FAM20A: variants seen among roughly 807,000 people sequenced by gnomAD.
FAM20A encodes the protein pseudokinase FAM20A.
In FAM20A, 42 loss-of-function variants were observed where a neutral mutation model predicts 52.0. The observed-to-expected ratio is 0.81, with a 90% CI of 0.63 to 1.04. The LOEUF (loss-of-function observed/expected upper bound fraction) is 1.04. FAM20A is among the 50% of genes least tolerant of loss of function. The pLI is 0.00. For missense variants in FAM20A, 742 were observed against 712.7 expected (o/e 1.04, Z -0.47); for synonymous variants, 304 against 298.9 (o/e 1.02, Z -0.18).
Position 68,537,608 on chromosome 17 carries a change from C to A in FAM20A, c.1495G>T (p.Asp499Tyr). 2 of 1,613,730 alleles carry A rather than the reference C, an allele frequency of 1.2e-6. No individual in the cohort carries two copies. Among genetic ancestry groups the A allele is most frequent in the Non-Finnish European group, 1.7e-6 (2 of 1,179,794 alleles). The change falls in exon 11 of 11, where the codon GAT (aspartate) becomes TAT (tyrosine). Residue 499 changes from aspartate (D) to tyrosine (Y), a missense_variant. Asp to Tyr is a radical substitution (Grantham distance 160). Transcript: ENST00000592554. The surrounding 1 kb of genome is among the most constrained non-coding windows in gnomAD (Gnocchi z 4.2). ...VLTEPHLLAL[D>Y]RRLQTILRTV... ...CTTAGGATGGTTTGGAGCCTTCGATCCAGGGCAAGGAGGTGGGGTTCAGTG... is the reference window on the plus strand; with the variant it reads ...CTTAGGATGGTTTGGAGCCTTCGATACAGGGCAAGGAGGTGGGGTTCAGTG...
rs1385798508 is a variant in FAM20A at position 68,537,081 on chromosome 17, C to G, written c.*396G>C. ...GTGTTTTGTCTGGACCAGGAGTTAT[C>G]TTTGACTTGTAGCTAGAATAAGGAT... On this transcript the variant is annotated 3_prime_UTR_variant, in exon 11 of 11. Transcript: ENST00000592554. This position sits in a 1 kb window ranked among gnomAD's most constrained non-coding sequence, Gnocchi z 4.2. 4.3e-6 allele frequency: 2 copies of G among 461,294 alleles called. No individual in the cohort carries two copies. The highest frequency in any genetic ancestry group is 4.7e-5 in the Admixed American group (2 of 42,790). 28.6% of individuals were successfully genotyped at this position (461,294 alleles called of 1,614,324 possible).
At chr17:68,597,521 A>C (rs2088487095) in intron 1 of FAM20A, among the ~76,000 whole-genome samples, 1 of 151,994 alleles carries the variant, frequency 6.6e-6, no homozygotes, top group African/African-American at 2.4e-5. Context: ...AGTAGCTGGG[A>C]TTACAGGTGC....
chr17:68,539,804 GTC>G (rs2086209237), intron 9 of FAM20A, 79 bp downstream of exon 9: 2 of 1,364,638 alleles, frequency 1.5e-6, no homozygotes, highest in East Asian at 2.3e-5. Flanking sequence ...TTTGCAGGGC[GTC>G]TGTTTCCCCC....
intron 1 of FAM20A, among the ~76,000 whole-genome samples, chr17:68,569,864 T>C (rs900342902): frequency 5.3e-5 from 8 of 152,162 alleles, no homozygotes; most frequent in African/African-American, 1.9e-4. Context: ...CAGGCCTTCA[T>C]TCCTTGGAAG....
At chr17:68,558,613 C>T (rs1407794792) in intron 1 of FAM20A, among the ~76,000 whole-genome samples, 2 of 152,216 alleles carry the variant, frequency 1.3e-5, no homozygotes, top group Non-Finnish European at 2.9e-5. Context: ...AGTAAGTTTT[C>T]TGAGGCCCTC....
Position 68,581,350 on chromosome 17 carries a change from T to TTTCTTTCTTTCTTTCTTTC in FAM20A, c.404+18912_404+18913insGAAAGAAAGAAAGAAAGAA, listed in dbSNP as rs2087941952. On this transcript the variant is annotated intron_variant, in intron 1 of 10. Transcript: ENST00000592554. ...TGAAAAGGTATCTCCGAAATGCAGT[T>TTTCTTTCTTTCTTTCTTTC]TTTCTTTCTTTCTTTCTTTCTTTCT... 8.7e-5 allele frequency among the ~76,000 whole-genome samples: 8 copies of TTTCTTTCTTTCTTTCTTTC among 92,278 alleles called. No homozygotes were observed. The East Asian group carries it at 1.6e-3, about 18-fold the overall frequency. 60.5% of individuals were successfully genotyped at this position (92,278 alleles called of 152,430 possible).
At chr17:68,547,920 T>A (rs1222754578) in intron 4 of FAM20A, among the ~76,000 whole-genome samples, 3 of 152,234 alleles carry the variant, frequency 2.0e-5, no homozygotes, top group Admixed American at 2.0e-4. Context: ...ACTAGCCTCC[T>A]GAATAATTTC....
chr17:68,596,851 C>T (rs1057506898), intron 1 of FAM20A, among the ~76,000 whole-genome samples: 2 of 152,004 alleles, frequency 1.3e-5, no homozygotes, highest in African/African-American at 4.8e-5. Flanking sequence ...TTGTGCCACA[C>T]TTAGTTACAT....
At chr17:68,572,244 C>T (rs2087584965) in intron 1 of FAM20A, among the ~76,000 whole-genome samples, 2 of 151,648 alleles carry the variant, frequency 1.3e-5, no homozygotes, top group Admixed American at 6.6e-5. Flanking sequence ...ATTTCTTGAT[C>T]ATAACCTGGC....
At position 68,536,017 on chromosome 17, in the gene FAM20A, C is replaced by G. The variant is rs923948948; in HGVS notation, c.*1460G>C. Reference sequence around the variant, plus strand: ...GAGAGGATTGGAAACCTGTGTGTTGCTTCTGTAGCGTTGGTGAGTGCCTCA... The same window carrying G: ...GAGAGGATTGGAAACCTGTGTGTTGGTTCTGTAGCGTTGGTGAGTGCCTCA... On this transcript the variant is annotated 3_prime_UTR_variant, in exon 11 of 11. Transcript: ENST00000592554. The G allele has an allele frequency of 3.1e-5, 14 of 454,002 alleles. No individual in the cohort carries two copies. The highest frequency in any genetic ancestry group is 5.7e-5 in the Non-Finnish European group (13 of 226,802). The allele number at this position is 454,002 out of a possible 1,614,324, so 28.1% of individuals were successfully genotyped here. A position where few individuals can be genotyped will look rare whatever the true frequency, so the allele number is the denominator to read the frequency against.
intron 1 of FAM20A, among the ~76,000 whole-genome samples, chr17:68,588,121 T>C (rs542890364): frequency 7.9e-5 from 12 of 151,386 alleles, no homozygotes; most frequent in Non-Finnish European, 1.5e-4. Flanking sequence ...TTTTCAGCTT[T>C]TGACGTAAAA....
In FAM20A at chr17:68,558,703, C is replaced by A. The variant is rs530071895; in HGVS notation, c.405-2960G>T. On this transcript the variant is annotated intron_variant, in intron 1 of 10. Transcript: ENST00000592554. ...TTTTTTTAAAAAATAAATTACCCAG[C>A]TTCAGGTATTTCTTTTTTCCTTCCC... Among the ~76,000 whole-genome samples, 4 of 152,236 alleles carry A rather than the reference C, an allele frequency of 2.6e-5. No homozygotes were observed. In the South Asian group the frequency reaches 8.3e-4, roughly 32 times the overall value.
intron 1 of FAM20A, among the ~76,000 whole-genome samples, chr17:68,571,903 T>G (rs923592816): frequency 1.0e-4 from 15 of 149,174 alleles, no homozygotes; most frequent in African/African-American, 3.7e-4. Flanking sequence ...ACTGGTGACT[T>G]GAAGGCTTTT....
intron 1 of FAM20A, chr17:68,590,103 CTTAAA>C (rs954846088): frequency 6.6e-6 from 1 of 152,154 alleles, no homozygotes; most frequent in Admixed American, 6.5e-5. Context: ...TGTAGGTTTT[CTTAAA>C]TTATATAAAA....
chr17:68,542,133 A>G lies in FAM20A; in HGVS notation c.961T>C (p.Tyr321His), dbSNP rs1600526435. 1.2e-6 allele frequency: 2 copies of G among 1,614,078 alleles called. No homozygotes were observed. The highest frequency in any genetic ancestry group is 1.1e-5 in the South Asian group (1 of 91,080). The change falls in exon 7 of 11, where the codon TAC (tyrosine) becomes CAC (histidine). Residue 321 changes from tyrosine to histidine, a missense_variant. Tyr to His is a moderately conservative substitution (Grantham distance 83, BLOSUM62 2). Coordinates refer to ENST00000592554, the MANE Select transcript of FAM20A (RefSeq NM_017565.4). ...SNVCFFAKCP[Y>H]MCKTEYAVCG... ...ACAGCATACTCCGTCTTGCACATGTATGGACACTTGGCGAAGAAGCACACG... is the reference window on the plus strand; with the variant it reads ...ACAGCATACTCCGTCTTGCACATGTGTGGACACTTGGCGAAGAAGCACACG...
chr17:68,538,419 G>C (rs2086158643), intron 10 of FAM20A, among the ~76,000 whole-genome samples: 1 of 152,214 alleles, frequency 6.6e-6, no homozygotes, highest in African/African-American at 2.4e-5. Context: ...TCTACTCCGA[G>C]TTTTCCAGCT....
intron 1 of FAM20A, among the ~76,000 whole-genome samples, chr17:68,584,342 C>A (rs200010836): frequency 1.4e-4 from 6 of 43,818 alleles, no homozygotes; most frequent in Non-Finnish European, 2.0e-4. Context: ...CAAAACAAAA[C>A]AAAACAAAAA....
At position 68,537,029 on chromosome 17, in the gene FAM20A, A is replaced by G. The variant is rs754267824; in HGVS notation, c.*448T>C. 9 of 455,668 alleles carry G rather than the reference A, an allele frequency of 2.0e-5. No homozygotes were observed. Among genetic ancestry groups the G allele is most frequent in the Non-Finnish European group, 3.9e-5 (9 of 228,038 alleles). 28.2% of individuals were successfully genotyped at this position (455,668 alleles called of 1,614,324 possible). ...TTGCCTGCGCTGGCCCAAAGTGCAG[A>G]TTTTTAGTCAGCTTGTGATAGGCCA... On this transcript the variant is annotated 3_prime_UTR_variant, in exon 11 of 11. Transcript: ENST00000592554. The surrounding 1 kb of genome is among the most constrained non-coding windows in gnomAD (Gnocchi z 4.2).
chr17:68,558,330 C>G, intron 1 of FAM20A: 1 of 441,872 alleles, frequency 2.3e-6, no homozygotes, highest in Non-Finnish European at 4.5e-6. Flanking sequence ...TGAGTCATAC[C>G]ATCAGATATG....
Sources: allele counts gnomAD v4.1 joint callset (sites outside exome capture counted in the v4.1 genomes callset), GRCh38; gene constraint gnomAD v4.1.1; non-coding constraint Gnocchi (gnomAD v3.1); transcripts MANE v1.5; gene names NCBI Gene and HGNC (gene_info 2026-07-23, HGNC 2026-07-21).